Variants in SRP72 observed in about 807,000 individuals in gnomAD.
SRP72 encodes the protein signal recognition particle subunit SRP72.
In SRP72, 49 loss-of-function variants were observed where a neutral mutation model predicts 96.3. The observed-to-expected ratio is 0.51, with a 90% CI of 0.40 to 0.65. The LOEUF (loss-of-function observed/expected upper bound fraction) is 0.65. Ranked by LOEUF, SRP72 falls within the 30% of genes least tolerant of loss-of-function variation. The pLI, the probability that SRP72 is intolerant of heterozygous loss-of-function variation, is 0.00. For missense variants in SRP72, 736 were observed against 793.3 expected (o/e 0.93, Z 0.87); for synonymous variants, 267 against 275.2 (o/e 0.97, Z 0.30).
intron 8 of SRP72, among the ~76,000 whole-genome samples, chr4:56,478,920 TG>T (rs1720357349): frequency 6.6e-6 from 1 of 152,196 alleles, no homozygotes; most frequent in African/African-American, 2.4e-5. Flanking sequence ...ACTCTCTCTT[TG>T]TAAGAGATAT....
At chr4:56,500,024 T>C (rs889659665) in intron 17 of SRP72, among the ~76,000 whole-genome samples, 5 of 151,870 alleles carry the variant, frequency 3.3e-5, no homozygotes, top group African/African-American at 9.7e-5. Flanking sequence ...CCATCAATAC[T>C]ATGCAGCCAT....
At chr4:56,469,398 A>G (rs1411923705) in intron 1 of SRP72, among the ~76,000 whole-genome samples, 2 of 152,168 alleles carry the variant, frequency 1.3e-5, no homozygotes, top group Admixed American at 1.3e-4. Context: ...TGGTACATGT[A>G]TATTGGGAAT....
intron 12 of SRP72, among the ~76,000 whole-genome samples, chr4:56,488,234 A>G (rs1338410972): frequency 6.6e-6 from 1 of 152,202 alleles, no homozygotes; most frequent in Non-Finnish European, 1.5e-5. Context: ...GCCTTATAGT[A>G]TCACTGAAAA....
chr4:56,491,539 T>C lies in SRP72; in HGVS notation c.1611T>C (p.Val537=). 1 of 1,613,960 alleles carries C rather than the reference T, an allele frequency of 6.2e-7. No individual in the cohort carries two copies. The highest frequency in any genetic ancestry group is 8.5e-7 in the Non-Finnish European group (1 of 1,179,920). The change falls in exon 16 of 19, where the codon GTT becomes GTC. Residue 537 remains valine, a synonymous_variant. Transcript: ENST00000642900. ...ATYIRKKGGK[V]TGDSQPKEQG... ...ACATTCGGAAGAAGGGTGGAAAAGT[T>C]ACTGGAGATAGTCAACCAAAGGAAC...
Position 56,490,446 on chromosome 4 carries a change from G to A in SRP72, c.1424+10G>A. ...TACAACAGCTGTGGAAGTAAGCTCTGAAACGTGGAGTTGTAGAAATAACAC... is the reference window on the plus strand; with the variant it reads ...TACAACAGCTGTGGAAGTAAGCTCTAAAACGTGGAGTTGTAGAAATAACAC... On this transcript the variant is annotated intron_variant, in intron 14 of 18. Coordinates refer to ENST00000642900, the MANE Select transcript of SRP72 (RefSeq NM_006947.4). 6.2e-7 allele frequency: 1 copy of A among 1,612,006 alleles called. No individual in the cohort carries two copies. The highest frequency in any genetic ancestry group is 8.5e-7 in the Non-Finnish European group (1 of 1,178,894).
intron 1 of SRP72, among the ~76,000 whole-genome samples, chr4:56,468,118 G>C (rs1719821080): frequency 6.6e-6 from 1 of 152,184 alleles, no homozygotes; most frequent in Non-Finnish European, 1.5e-5. Context: ...TCTTCGTCTT[G>C]AGCGCAGTGA....
At chr4:56,486,254 G>A in intron 10 of SRP72, 71 bp from the exon 11 acceptor site, 1 of 1,038,532 alleles carries the variant, frequency 9.6e-7, no homozygotes, top group Non-Finnish European at 1.4e-6. Flanking sequence ...ATGTAGCTAA[G>A]TAATTGTAAT....
At chr4:56,482,874 C>G (rs1434172664) in intron 8 of SRP72, among the ~76,000 whole-genome samples, 1 of 152,160 alleles carries the variant, frequency 6.6e-6, no homozygotes, top group Non-Finnish European at 1.5e-5. Flanking sequence ...AGGAAGCCTC[C>G]TTTGAGAAGG....
chr4:56,488,080 C>A (rs576292030), intron 12 of SRP72, 67 bp downstream of exon 12: 2 of 1,086,042 alleles, frequency 1.8e-6, no homozygotes, highest in Non-Finnish European at 2.7e-6. Flanking sequence ...AATGTGTATT[C>A]ACTTTATTTA....
chr4:56,467,835 A>C, intron 1 of SRP72, 91 bp downstream of exon 1: 1 of 1,245,036 alleles, frequency 8.0e-7, no homozygotes, highest in Non-Finnish European at 1.1e-6. Context: ...CGCGGGAGGC[A>C]CGGGAAGGGG....
intron 6 of SRP72, chr4:56,477,262 T>C (rs955514034): frequency 6.6e-6 from 1 of 150,680 alleles, no homozygotes; most frequent in Non-Finnish European, 1.5e-5. Context: ...CATTGAAATA[T>C]GTCTCTTTTC....
At chr4:56,495,659 T>C (rs2110131059) in intron 17 of SRP72, among the ~76,000 whole-genome samples, 1 of 152,370 alleles carries the variant, frequency 6.6e-6, no homozygotes, top group African/African-American at 2.4e-5. Context: ...TTTTCATATG[T>C]AAAATGGAAT....
chr4:56,483,229 A>G lies in SRP72; in HGVS notation c.916A>G (p.Ile306Val), dbSNP rs761912957. 3.7e-6 allele frequency: 6 copies of G among 1,612,860 alleles called. No individual in the cohort carries two copies. The highest frequency in any genetic ancestry group is 2.2e-5 in the East Asian group (1 of 44,762). Residue 306 changes from isoleucine to valine, a missense_variant, in exon 9 of 19, where the codon ATA (isoleucine) becomes GTA (valine). This residue lies in a region of SRP72 where 388 missense variants were observed against 431.8 expected (regional missense o/e 0.90). Coordinates refer to ENST00000642900, the MANE Select transcript of SRP72 (RefSeq NM_006947.4). ...FKLSKKQLQAIEFNKALLAMY... is the reference protein window; with the variant it reads ...FKLSKKQLQAVEFNKALLAMY... ...GCTTTCCAAGAAACAACTACAAGCTATAGAATTTAACAAAGCTTTACTTGC... is the reference window on the plus strand; with the variant it reads ...GCTTTCCAAGAAACAACTACAAGCTGTAGAATTTAACAAAGCTTTACTTGC...
chr4:56,475,403 A>AATACATAT (rs1553945340), intron 5 of SRP72, among the ~76,000 whole-genome samples: 28 of 150,974 alleles, frequency 1.9e-4, no homozygotes, highest in Middle Eastern at 3.4e-3. Flanking sequence ...ACAAAAAAAA[A>AATACATAT]ATATATATGT....
chr4:56,495,526 C>G, intron 17 of SRP72, 132 bp downstream of exon 17: 1 of 502,154 alleles, frequency 2.0e-6, no homozygotes, highest in Non-Finnish European at 3.5e-6. Context: ...TTGACTATAG[C>G]TAACATTTAA....
intron 16 of SRP72, among the ~76,000 whole-genome samples, chr4:56,494,056 G>C (rs942407267): frequency 6.6e-6 from 1 of 152,138 alleles, no homozygotes; most frequent in Non-Finnish European, 1.5e-5. Flanking sequence ...AGGAAGATGA[G>C]GACGAGGTAG....
chr4:56,486,683 A>G (rs1360628449), intron 11 of SRP72, among the ~76,000 whole-genome samples: 4 of 152,158 alleles, frequency 2.6e-5, no homozygotes, highest in African/African-American at 9.7e-5. Context: ...ATACTACTCA[A>G]ATTGCCTGAG....
intron 8 of SRP72, among the ~76,000 whole-genome samples, chr4:56,479,289 C>G (rs551495349): frequency 6.6e-6 from 1 of 152,236 alleles, no homozygotes; most frequent in South Asian, 2.1e-4. Context: ...ACGCCATTCT[C>G]CTGCCTCAGC....
chr4:56,489,314 G>T, intron 12 of SRP72, 74 bp from the exon 13 acceptor site: 1 of 753,638 alleles, frequency 1.3e-6, no homozygotes, highest in Non-Finnish European at 2.1e-6. Context: ...TATTTCTTCA[G>T]CGTTTTTTAT....
Sources: allele counts gnomAD v4.1 joint callset (sites outside exome capture counted in the v4.1 genomes callset), GRCh38; gene constraint gnomAD v4.1.1; regional missense constraint gnomAD v4.1.1; transcripts MANE v1.5; gene names NCBI Gene and HGNC (gene_info 2026-07-23, HGNC 2026-07-21).